The following RNLS variants were observed in gnomAD, a reference collection of about 807,000 sequenced individuals.
RNLS encodes the protein renalase.
Under a neutral mutation model 39.8 loss-of-function variants are expected in RNLS, and 39 were observed. The ratio of observed to expected loss-of-function variants is 0.98; its 90% CI spans 0.76 to 1.28. The LOEUF (loss-of-function observed/expected upper bound fraction) is 1.28, where lower values mean the gene tolerates loss of function less well. Ranked by LOEUF, RNLS falls within the 50% of genes most tolerant of loss-of-function variation. The probability of loss-of-function intolerance (pLI) is 0.00; values close to 1 mark genes in which losing one functional copy is unlikely to be tolerated. For missense variants in RNLS, 410 were observed against 413.3 expected (o/e 0.99, Z 0.07); for synonymous variants, 147 against 150.7 (o/e 0.98, Z 0.18).
intron 6 of RNLS, among the ~76,000 whole-genome samples, chr10:88,304,608 C>T (rs559451056): frequency 2.0e-5 from 3 of 152,136 alleles, no homozygotes; most frequent in African/African-American, 7.2e-5. Flanking sequence ...TAAAGACTGG[C>T]TTTCTGAAAT....
intron 4 of RNLS, among the ~76,000 whole-genome samples, chr10:88,365,951 C>T (rs1464410593): frequency 6.6e-6 from 1 of 152,104 alleles, no homozygotes; most frequent in African/African-American, 2.4e-5. Context: ...CCATTTTCTA[C>T]ATTTTTTGGT....
At chr10:88,486,471 A>G (rs1420649787) in intron 4 of RNLS, among the ~76,000 whole-genome samples, 2 of 152,158 alleles carry the variant, frequency 1.3e-5, no homozygotes, top group Admixed American at 6.6e-5. Flanking sequence ...CATGCATCCG[A>G]CAAAGGCCTA....
At position 88,333,136 on chromosome 10, in the gene RNLS, A is replaced by G. The variant is rs149685420; in HGVS notation, c.701-18495T>C. ...TTAATAGTTATTAGGCAAAACAACA[A>G]CAAAATTCTTTGGACGAATATATTT... On this transcript the variant is annotated intron_variant, in intron 5 of 6. Transcript: ENST00000331772. Among the ~76,000 whole-genome samples, 672 of 152,334 alleles carry G rather than the reference A, an allele frequency of 4.4e-3. 1 individual carries two copies. Among genetic ancestry groups the G allele is most frequent in the Non-Finnish European group, 8.3e-3 (566 of 68,040 alleles).
the RNLS span, among the ~76,000 whole-genome samples, chr10:88,247,773 A>T: frequency 6.6e-6 from 1 of 152,160 alleles, no homozygotes. Context: ...TCACCTGGGT[A>T]GGCCCAATAT....
At chr10:88,435,274 C>G (rs975572767) in intron 4 of RNLS, among the ~76,000 whole-genome samples, 8 of 151,772 alleles carry the variant, frequency 5.3e-5, no homozygotes, top group Admixed American at 2.0e-4. Flanking sequence ...ACCTCCAAAC[C>G]TAGAGGGAAA....
chr10:88,534,596 G>A (rs758206519), intron 4 of RNLS, among the ~76,000 whole-genome samples: 70 of 152,070 alleles, frequency 4.6e-4, no homozygotes, highest in Non-Finnish European at 9.1e-4. Context: ...TTCCTCTTGT[G>A]TCAATGAAAT....
intron 4 of RNLS, among the ~76,000 whole-genome samples, chr10:88,368,985 A>G (rs1850331511): frequency 6.6e-6 from 1 of 152,122 alleles, no homozygotes; most frequent in African/African-American, 2.4e-5. Flanking sequence ...AAGACTAAAC[A>G]TTCTTCATAT....
At chr10:88,272,023 A>C (rs1396275644), downstream of RNLS, among the ~76,000 whole-genome samples, 1 of 152,178 alleles carries the variant, frequency 6.6e-6, no homozygotes, top group East Asian at 1.9e-4. Flanking sequence ...AAGAAAAAGG[A>C]AGTGGCATTA....
In RNLS at chr10:88,362,560, C is replaced by A. The variant is rs771895057; in HGVS notation, c.692G>T (p.Arg231Leu). Residue 231 changes from arginine (R) to leucine (L), a missense_variant, in exon 5 of 7, where the codon CGC becomes CTC. Transcript: ENST00000331772. ...IRFVSIDNKKRNIESSEIGPS... is the reference protein window; with the variant it reads ...IRFVSIDNKKLNIESSEIGPS... ...ATAATAGGGGTACTGACCTATATTG[C>A]GCTTCTTATTATCAATGGAGACGAA... The A allele has an allele frequency of 3.7e-6, 6 of 1,613,512 alleles. No individual in the cohort carries two copies. The Admixed American group carries it at 1.0e-4, about 27-fold the overall frequency.
the RNLS span, among the ~76,000 whole-genome samples, chr10:88,183,893 C>T: frequency 7.9e-5 from 12 of 152,190 alleles, no homozygotes; most frequent in Admixed American, 3.3e-4. Flanking sequence ...GAGACTTTTG[C>T]GGATCAACTA....
At chr10:88,227,847 C>T in the RNLS span, among the ~76,000 whole-genome samples, 7 of 152,162 alleles carry the variant, frequency 4.6e-5, no homozygotes, top group South Asian at 2.1e-4. Context: ...CTGTCGTAGA[C>T]GCTCGTCATC....
intron 4 of RNLS, among the ~76,000 whole-genome samples, chr10:88,516,720 C>T (rs958944756): frequency 1.3e-5 from 2 of 152,090 alleles, no homozygotes; most frequent in Admixed American, 6.6e-5. Context: ...GACACAAAGG[C>T]ATACTGGATT....
chr10:88,361,684 G>A (rs1849654813), intron 5 of RNLS, among the ~76,000 whole-genome samples: 1 of 152,198 alleles, frequency 6.6e-6, no homozygotes. Context: ...CTATCATTAT[G>A]AAGGTCTGGC....
At chr10:88,333,575 T>G (rs1847270780) in intron 5 of RNLS, among the ~76,000 whole-genome samples, 1 of 152,220 alleles carries the variant, frequency 6.6e-6, no homozygotes, top group Non-Finnish European at 1.5e-5. Flanking sequence ...CCTACCTAAT[T>G]TAATAACATG....
rs200933201 is a variant in RNLS, at chr10:88,362,644, C to T, written c.608G>A (p.Gly203Asp). Residue 203 changes from glycine to aspartate, a missense_variant, in exon 5 of 7, where the codon GGT becomes GAT. Gly to Asp is a moderately conservative substitution (Grantham distance 94). Coordinates refer to ENST00000331772, the MANE Select transcript of RNLS (RefSeq NM_001031709.3). Reference sequence around the variant, plus strand: ...AGCCCAAGGGACATCAATCTTCGTACCAGCTTCATAAAAGAGGCCCAGAGC... The same window carrying T: ...AGCCCAAGGGACATCAATCTTCGTATCAGCTTCATAAAAGAGGCCCAGAGC... ...RYALGLFYEA[G>D]TKIDVPWAGQ... 1.9e-6 allele frequency: 3 copies of T among 1,613,946 alleles called. No homozygotes were observed. Among genetic ancestry groups the T allele is most frequent in the Non-Finnish European group, 2.5e-6 (3 of 1,179,922 alleles).
At chr10:88,241,894 T>G in the RNLS span, among the ~76,000 whole-genome samples, 4 of 152,170 alleles carry the variant, frequency 2.6e-5, no homozygotes, top group African/African-American at 7.2e-5. Context: ...CACCTCAAGT[T>G]TTCCTCTTTT....
chr10:88,447,577 T>C (rs945774206), intron 4 of RNLS, among the ~76,000 whole-genome samples: 2 of 152,116 alleles, frequency 1.3e-5, no homozygotes, highest in African/African-American at 2.4e-5. Flanking sequence ...AAAATGGCCA[T>C]ACTGCCCAAG....
At chr10:88,497,270 G>T (rs955668361) in intron 4 of RNLS, among the ~76,000 whole-genome samples, 1 of 152,012 alleles carries the variant, frequency 6.6e-6, no homozygotes, top group Non-Finnish European at 1.5e-5. Context: ...CAGAAACAGT[G>T]CAGAATTTGC....
chr10:88,420,011 AAAAT>A (rs57637078), intron 4 of RNLS, among the ~76,000 whole-genome samples: 23,329 of 134,544 alleles, frequency 0.17, 2,452 homozygotes, highest in African/African-American at 0.29. Context: ...ACTCCATCTC[AAAAT>A]AAATAAATAA....
Sources: allele counts gnomAD v4.1 joint callset (sites outside exome capture counted in the v4.1 genomes callset), GRCh38; gene constraint gnomAD v4.1.1; transcripts MANE v1.5; gene names NCBI Gene and HGNC (gene_info 2026-07-23, HGNC 2026-07-21).